MYLK2: variants seen among roughly 807,000 people sequenced by gnomAD.
MYLK2 encodes the protein myosin light chain kinase 2, skeletal/cardiac muscle.
A neutral mutation model predicts 58.2 loss-of-function variants in MYLK2; 27 were observed. That is an observed-to-expected ratio of 0.46 (90% confidence interval 0.34 to 0.64). The LOEUF is 0.64. MYLK2 is among the 30% of genes least tolerant of loss of function. The pLI, the probability that MYLK2 is intolerant of heterozygous loss-of-function variation, is 0.01. For missense variants in MYLK2, 676 were observed against 764.3 expected (o/e 0.88, Z 1.36); for synonymous variants, 310 against 296.7 (o/e 1.04, Z -0.46).
rs773089981 is a variant in MYLK2 at position 31,830,972 on chromosome 20, A to G, written c.1296-41A>G. ...GGTGGGGTGGAGGGGGCATGGGTAT[A>G]GGCCAGGAGCTGTGCTCTCAGCCCT... is the stretch of plus-strand genomic sequence containing the variant. On this transcript the variant is annotated intron_variant, in intron 9 of 12. Coordinates refer to ENST00000375985, the MANE Select transcript of MYLK2 (RefSeq NM_033118.4). The G allele has an allele frequency of 3.1e-6, 5 of 1,614,118 alleles. No homozygotes were observed. The Admixed American group carries it at 6.7e-5, about 22-fold the overall frequency.
chr20:31,826,099 G>A (rs2062277886), intron 6 of MYLK2, among the ~76,000 whole-genome samples: 3 of 152,152 alleles, frequency 2.0e-5, no homozygotes, highest in Admixed American at 6.5e-5. Flanking sequence ...GGGTACTTTT[G>A]CTGCCAGGCA....
At chr20:31,828,076 C>T (rs1253296020) in intron 8 of MYLK2, 6 of 518,866 alleles carry the variant, frequency 1.2e-5, no homozygotes, top group African/African-American at 4.2e-5. Context: ...TTAGTGGAGA[C>T]GGGGTTTCGC....
At position 31,819,601 on chromosome 20, in the gene MYLK2, A is replaced by G. The variant is rs754853086; in HGVS notation, c.21A>G (p.Ala7=). The change falls in exon 2 of 13, where the codon GCA becomes GCG. Residue 7 remains alanine, a synonymous_variant. Coordinates refer to ENST00000375985, the MANE Select transcript of MYLK2 (RefSeq NM_033118.4). ...ACCTCATGGCGACAGAAAATGGAGCAGTTGAGCTGGGAATTCAGAACCCAT... is the reference window on the plus strand; with the variant it reads ...ACCTCATGGCGACAGAAAATGGAGCGGTTGAGCTGGGAATTCAGAACCCAT... The part of the protein sequence containing the change: MATENG[A]VELGIQNPST... 3.0e-5 allele frequency: 46 copies of G among 1,551,498 alleles called. No homozygotes were observed. Among genetic ancestry groups the G allele is most frequent in the Non-Finnish European group, 4.0e-5 (46 of 1,147,010 alleles).
rs1327113581 is a variant in MYLK2, at chr20:31,824,355, A to C, written c.972+3A>C. 3 of 1,609,712 alleles carry C rather than the reference A, an allele frequency of 1.9e-6. No homozygotes were observed. Among genetic ancestry groups the C allele is most frequent in the Non-Finnish European group, 1.7e-6 (2 of 1,177,566 alleles). On this transcript the variant is annotated splice_donor_region_variant and intron_variant, in intron 6 of 12. Coordinates refer to ENST00000375985, the MANE Select transcript of MYLK2 (RefSeq NM_033118.4). ...AGAAACAGACTCCCAAAGACAAGGT[A>C]GTGAGGTTGCGGGGGTGGTGGCTGC...
chr20:31,830,904 G>T lies in MYLK2; in HGVS notation c.1295+15G>T, dbSNP rs766186341. The T allele has an allele frequency of 1.9e-6, 3 of 1,613,992 alleles. No individual in the cohort carries two copies. The highest frequency in any genetic ancestry group is 2.2e-5 in the East Asian group (1 of 44,872). On this transcript the variant is annotated intron_variant, in intron 9 of 12. Coordinates refer to ENST00000375985, the MANE Select transcript of MYLK2 (RefSeq NM_033118.4). The stretch of plus-strand genomic sequence containing the variant: ...CTGGCACGGAGGTACCACCTGGGTG[G>T]GTGGGGAGGGCAAGACAAGCCTCTG...
rs767402714 is a variant in MYLK2, at chr20:31,826,908, C to T, written c.1194C>T (p.His398=). 1.2e-5 allele frequency: 19 copies of T among 1,613,996 alleles called. No homozygotes were observed. The highest frequency in any genetic ancestry group is 1.7e-5 in the Admixed American group (1 of 59,994). ...RQICDGILFM[H]KMRVLHLDLK... ...TCTGTGACGGGATCCTCTTCATGCA[C>T]AAGATGAGGGTTTTGCACCTGGACC... The change falls in exon 8 of 13, where the codon CAC becomes CAT. Residue 398 remains histidine (H), a synonymous_variant. Transcript: ENST00000375985.
intron 4 of MYLK2, among the ~76,000 whole-genome samples, chr20:31,823,014 C>T (rs374690818): frequency 2.6e-5 from 4 of 152,170 alleles, no homozygotes; most frequent in South Asian, 4.1e-4. Flanking sequence ...ACAGCACGGT[C>T]CCCGGTCCCG....
chr20:31,820,011 A>T (rs2062243217), intron 2 of MYLK2, 115 bp from the exon 3 acceptor site: 2 of 1,342,298 alleles, frequency 1.5e-6, no homozygotes, highest in Non-Finnish European at 2.1e-6. Context: ...TGGGACAAGC[A>T]TTTGCAAGTT....
intron 5 of MYLK2, 123 bp downstream of exon 5, chr20:31,823,705 G>A (rs2123130842): frequency 2.0e-6 from 2 of 996,008 alleles, no homozygotes; most frequent in Non-Finnish European, 3.1e-6. Flanking sequence ...ACATGGACAT[G>A]TTCACCTCTG....
At position 31,820,200 on chromosome 20, in the gene MYLK2, A is replaced by G. The variant is rs2062244844; in HGVS notation, c.127A>G (p.Lys43Glu). The G allele has an allele frequency of 6.2e-7, 1 of 1,613,864 alleles. No homozygotes were observed. Among genetic ancestry groups the G allele is most frequent in the South Asian group, 1.1e-5 (1 of 91,082 alleles). The change falls in exon 3 of 13, where the codon AAA becomes GAA. Residue 43 changes from lysine (K) to glutamate (E), a missense_variant. Around this residue, in one of 2 missense-constraint regions of MYLK2, gnomAD observed 306 missense variants for 296.5 expected, o/e 1.03. Coordinates refer to ENST00000375985, the MANE Select transcript of MYLK2 (RefSeq NM_033118.4). ...AGACCCTGGCCCCCCAGACCCAAAG[A>G]AAGCTCCGGATCCACCCACCCTGAA... ...GKDPGPPDPK[K>E]APDPPTLKKD...
At chr20:31,832,245 T>C in intron 12 of MYLK2, 109 bp downstream of exon 12, 1 of 1,468,432 alleles carries the variant, frequency 6.8e-7, no homozygotes, top group East Asian at 2.4e-5. Context: ...TTGACCAGGC[T>C]GGGCCCTGTC....
chr20:31,824,407 T>G, intron 6 of MYLK2, 55 bp downstream of exon 6: 2 of 1,570,856 alleles, frequency 1.3e-6, no homozygotes, highest in Non-Finnish European at 1.7e-6. Context: ...ATCCTTGGAG[T>G]GGGCACCTCT....
At chr20:31,820,032 T>A in intron 2 of MYLK2, 94 bp from the exon 3 acceptor site, 1 of 1,522,948 alleles carries the variant, frequency 6.6e-7, no homozygotes, top group Non-Finnish European at 9.1e-7. Context: ...GTTGCCTGGG[T>A]GGGAACCTGG....
At chr20:31,824,420 C>A (rs1343771809) in intron 6 of MYLK2, 68 bp downstream of exon 6, 1 of 1,560,228 alleles carries the variant, frequency 6.4e-7, no homozygotes, top group Non-Finnish European at 8.7e-7. Flanking sequence ...GCACCTCTCG[C>A]CTCCCTCCAC....
Position 31,833,881 on chromosome 20 carries a change from C to G in MYLK2, c.*84C>G. ...CAGCCCAGAAGGCCAGAAAAGGCAG[C>G]CAGATCCCCAGGGCAGCCTCGTTAG... is the stretch of plus-strand genomic sequence containing the variant. On this transcript the variant is annotated 3_prime_UTR_variant, in exon 13 of 13. Transcript: ENST00000375985. 9.3e-6 allele frequency: 12 copies of G among 1,295,376 alleles called. No individual in the cohort carries two copies. The highest frequency in any genetic ancestry group is 1.3e-5 in the Non-Finnish European group (12 of 909,828). The allele number at this position is 1,295,376 out of a possible 1,614,324, so 80.2% of individuals were successfully genotyped here.
At chr20:31,823,704 T>C (rs2062263748) in intron 5 of MYLK2, 122 bp downstream of exon 5, 2 of 993,118 alleles carry the variant, frequency 2.0e-6, no homozygotes, top group South Asian at 2.7e-5. Flanking sequence ...CACATGGACA[T>C]GTTCACCTCT....
chr20:31,833,554 G>A (rs2062317209), intron 12 of MYLK2, among the ~76,000 whole-genome samples, 163 bp from the exon 13 acceptor site: 1 of 152,072 alleles, frequency 6.6e-6, no homozygotes, highest in Admixed American at 6.5e-5. Flanking sequence ...GGGGACTCCT[G>A]GACAATACAG....
rs375169726 is a variant in MYLK2 at position 31,827,775 on chromosome 20, TC to T, written c.1224+840del. 5.9e-4 allele frequency among the ~76,000 whole-genome samples: 89 copies of T among 151,400 alleles called. 3 individuals are homozygous for T. The East Asian group carries it at 8.4e-3, about 14-fold the overall frequency. On this transcript the variant is annotated intron_variant, in intron 8 of 12. Coordinates refer to ENST00000375985, the MANE Select transcript of MYLK2 (RefSeq NM_033118.4). Reference sequence around the variant, plus strand: ...CTCAAGTGATCCGCCCACCTCGGCCTCCCAAAGTGCTGGGATTACAGACATG... The same window carrying T: ...CTCAAGTGATCCGCCCACCTCGGCCTCCAAAGTGCTGGGATTACAGACATG...
rs2123124863 is a variant in MYLK2 at position 31,819,403 on chromosome 20, A to C, written c.-74A>C. 1 of 794,846 alleles carries C rather than the reference A, an allele frequency of 1.3e-6. No homozygotes were observed. Among genetic ancestry groups the C allele is most frequent in the Non-Finnish European group, 2.1e-6 (1 of 478,368 alleles). 49.2% of individuals were successfully genotyped at this position (794,846 alleles called of 1,614,324 possible). A position where few individuals can be genotyped will look rare whatever the true frequency, so the allele number is the denominator to read the frequency against. On this transcript the variant is annotated 5_prime_UTR_variant, in exon 1 of 13. Transcript: ENST00000375985. The stretch of plus-strand genomic sequence containing the variant: ...GAGCAGCCGCTGGGAGACAGACGGC[A>C]ACCAGGTTGCCCCTCTTTGCTCCAG...
Sources: allele counts gnomAD v4.1 joint callset (sites outside exome capture counted in the v4.1 genomes callset), GRCh38; gene constraint gnomAD v4.1.1; regional missense constraint gnomAD v4.1.1; transcripts MANE v1.5; gene names NCBI Gene and HGNC (gene_info 2026-07-23, HGNC 2026-07-21).